The following CCDC7 variants were observed in gnomAD, a reference collection of about 807,000 sequenced individuals.
CCDC7 encodes coiled-coil domain containing 7.
In CCDC7, 183 loss-of-function variants were observed where a neutral mutation model predicts 196.9. That is an observed-to-expected ratio of 0.93 (90% CI 0.82 to 1.05). CCDC7 has a LOEUF of 1.05. CCDC7 is among the 50% of genes least tolerant of loss of function. The pLI is 0.00. For synonymous variants in CCDC7, 525 were observed against 484.6 expected (o/e 1.08, Z -1.10); for missense variants, 1,540 against 1,482.2 (o/e 1.04, Z -0.64).
At chr10:32,805,896 T>C (rs2085729065) in intron 30 of CCDC7, among the ~76,000 whole-genome samples, 1 of 152,206 alleles carries the variant, frequency 6.6e-6, no homozygotes. Context: ...CAGCATCTAC[T>C]TGGCTTCTGG....
At chr10:32,801,931 G>T (rs1832155) in intron 29 of CCDC7, among the ~76,000 whole-genome samples, 2 of 152,018 alleles carry the variant, frequency 1.3e-5, no homozygotes, top group Non-Finnish European at 2.9e-5. Context: ...GCCTCATCAG[G>T]GTCCTCCCAC....
chr10:32,541,992 G>A (rs1339760361), intron 11 of CCDC7, among the ~76,000 whole-genome samples: 1 of 152,172 alleles, frequency 6.6e-6, no homozygotes, highest in Non-Finnish European at 1.5e-5. Flanking sequence ...TTACCCTGCT[G>A]CCTTGATGGA....
exon 17 of CCDC7, chr10:32,583,144 A>C: frequency 8.1e-7 from 1 of 1,231,522 alleles, no homozygotes. Context: ...GTTGCTGAAA[A>C]CCAATCCTAT....
chr10:32,832,229 C>G (rs1202977190), intron 32 of CCDC7, among the ~76,000 whole-genome samples: 1 of 152,056 alleles, frequency 6.6e-6, no homozygotes, highest in East Asian at 1.9e-4. Flanking sequence ...AGGCCAGGTG[C>G]AGTGGCTCAT....
Position 32,758,707 on chromosome 10 carries a change from C to T in CCDC7, c.2906-20270C>T, listed in dbSNP as rs190746543. On this transcript the variant is annotated intron_variant, in intron 28 of 41. Coordinates refer to ENST00000639629, the Ensembl canonical transcript of CCDC7. ...GGCACAAGACAGGGATGCCCTCTTT[C>T]ACCACTCCTATTCAACATAGTGTTG... is the stretch of plus-strand genomic sequence containing the variant. 2.6e-5 allele frequency among the ~76,000 whole-genome samples: 4 copies of T among 152,284 alleles called. No individual in the cohort carries two copies. The East Asian group carries it at 7.7e-4, about 29-fold the overall frequency.
chr10:32,707,876 C>T (rs1269423262), intron 24 of CCDC7, among the ~76,000 whole-genome samples: 4 of 152,096 alleles, frequency 2.6e-5, no homozygotes, highest in East Asian at 1.9e-4. Context: ...GAATCAATAT[C>T]GTGAAAATGG....
At chr10:32,617,694 T>G (rs1164096752) in intron 18 of CCDC7, among the ~76,000 whole-genome samples, 2 of 151,946 alleles carry the variant, frequency 1.3e-5, no homozygotes, top group Non-Finnish European at 2.9e-5. Context: ...TAAAACTTGT[T>G]TTATGGCTTT....
At chr10:32,877,575 T>C (rs2094633860), downstream of CCDC7, among the ~76,000 whole-genome samples, 1 of 152,162 alleles carries the variant, frequency 6.6e-6, no homozygotes, top group African/African-American at 2.4e-5. Flanking sequence ...AGTTTGCCCC[T>C]ATGAACTACC....
At chr10:32,769,433 T>C (rs182935652) in intron 28 of CCDC7, among the ~76,000 whole-genome samples, 2 of 152,282 alleles carry the variant, frequency 1.3e-5, no homozygotes, top group African/African-American at 4.8e-5. Context: ...TAAAAATCTT[T>C]TCAGGGAACT....
intron 5 of CCDC7, among the ~76,000 whole-genome samples, chr10:32,463,997 G>A (rs1234402702): frequency 1.3e-5 from 2 of 152,044 alleles, no homozygotes; most frequent in Non-Finnish European, 2.9e-5. Context: ...TGCAACTTTG[G>A]AAATTCATCT....
rs562202380 is a variant in CCDC7 at position 32,863,657 on chromosome 10, A to G, written c.4111+9168A>G. 2.7e-4 allele frequency among the ~76,000 whole-genome samples: 41 copies of G among 152,124 alleles called. 1 individual carries two copies. In the South Asian group the frequency reaches 7.1e-3, roughly 26 times the overall value. On this transcript the variant is annotated intron_variant, in intron 41 of 41. Coordinates refer to ENST00000639629, the Ensembl canonical transcript of CCDC7. Reference sequence around the variant, plus strand: ...CAGGTGTATGCAATGGGGAAAGAATAGTCTCTTCAATAAATGGTGCTGGGA... The same window carrying G: ...CAGGTGTATGCAATGGGGAAAGAATGGTCTCTTCAATAAATGGTGCTGGGA...
At chr10:32,669,653 G>A (rs915624908) in intron 21 of CCDC7, among the ~76,000 whole-genome samples, 2 of 152,022 alleles carry the variant, frequency 1.3e-5, no homozygotes, top group Non-Finnish European at 2.9e-5. Flanking sequence ...CACGGTTATT[G>A]AAATTGGTGC....
At chr10:32,705,604 A>C (rs2079589081) in intron 24 of CCDC7, among the ~76,000 whole-genome samples, 1 of 152,144 alleles carries the variant, frequency 6.6e-6, no homozygotes, top group African/African-American at 2.4e-5. Flanking sequence ...CATAGGCTCA[A>C]AATAAAGGGA....
chr10:32,701,276 A>C (rs1406872717), intron 24 of CCDC7, among the ~76,000 whole-genome samples: 1 of 152,162 alleles, frequency 6.6e-6, no homozygotes, highest in Admixed American at 6.5e-5. Context: ...GGGCTGTTGA[A>C]TTTTGTCAAA....
intron 28 of CCDC7, among the ~76,000 whole-genome samples, chr10:32,745,916 T>C (rs1420855988): frequency 6.6e-6 from 1 of 152,186 alleles, no homozygotes; most frequent in African/African-American, 2.4e-5. Context: ...CTACTATAGA[T>C]TTTATATGTA....
intron 20 of CCDC7, among the ~76,000 whole-genome samples, chr10:32,648,881 A>G (rs968041506): frequency 6.6e-6 from 1 of 152,152 alleles, no homozygotes; most frequent in Non-Finnish European, 1.5e-5. Context: ...AGCACTATTT[A>G]CAATAGGAAA....
intron 28 of CCDC7, among the ~76,000 whole-genome samples, chr10:32,764,363 A>G (rs2077935370): frequency 6.6e-6 from 1 of 151,880 alleles, no homozygotes; most frequent in African/African-American, 2.4e-5. Flanking sequence ...TCAGGGGAAT[A>G]TGTTTGGGAA....
chr10:32,475,836 C>G (rs1020503879), intron 8 of CCDC7, among the ~76,000 whole-genome samples: 2 of 152,108 alleles, frequency 1.3e-5, no homozygotes, highest in African/African-American at 4.8e-5. Context: ...TTGTATTGCA[C>G]TCTGGTTTTG....
exon 39 of CCDC7, chr10:32,848,624 G>A (rs750843554): frequency 1.0e-5 from 15 of 1,504,326 alleles, no homozygotes; most frequent in Non-Finnish European, 1.3e-5. Flanking sequence ...ACAAAGATAT[G>A]TCCGTACAAC....
Sources: allele counts gnomAD v4.1 joint callset (sites outside exome capture counted in the v4.1 genomes callset), GRCh38; gene constraint gnomAD v4.1.1; transcripts MANE v1.5; gene names NCBI Gene and HGNC (gene_info 2026-07-23, HGNC 2026-07-21).